Variants in NEK4 observed in about 807,000 individuals in gnomAD.
NEK4 encodes the protein serine/threonine-protein kinase Nek4.
NEK4 carries 86 observed loss-of-function variants against 98.4 expected under a neutral mutation model. That is an observed-to-expected ratio of 0.87 (90% CI 0.73 to 1.05). The LOEUF (loss-of-function observed/expected upper bound fraction) is 1.05. Among genes scored for constraint, NEK4 ranks in the 50% least tolerant of loss-of-function variants. The probability of loss-of-function intolerance (pLI) is 0.00; values close to 1 mark genes in which losing one functional copy is unlikely to be tolerated. For missense variants in NEK4, 898 were observed against 950.3 expected (o/e 0.94, Z 0.72); for synonymous variants, 328 against 342.2 (o/e 0.96, Z 0.46).
intron 15 of NEK4, among the ~76,000 whole-genome samples, chr3:52,713,930 G>A (rs2097352767): frequency 6.6e-6 from 1 of 152,074 alleles, no homozygotes; most frequent in Non-Finnish European, 1.5e-5. Flanking sequence ...AAGGAGCTCT[G>A]TAAACCTCCC....
intron 15 of NEK4, among the ~76,000 whole-genome samples, chr3:52,715,061 G>A (rs1346536587): frequency 6.6e-6 from 1 of 152,250 alleles, no homozygotes; most frequent in Non-Finnish European, 1.5e-5. Context: ...TGGGCAGAAG[G>A]GGGCGGGTCC....
intron 2 of NEK4, among the ~76,000 whole-genome samples, chr3:52,767,265 G>A (rs1303870346): frequency 2.6e-5 from 4 of 151,554 alleles, no homozygotes; most frequent in East Asian, 2.0e-4. Context: ...GAATCTGGGC[G>A]ACAGTGACAC....
In NEK4 at chr3:52,766,276, G is replaced by C. The variant is rs370377370; in HGVS notation, c.460C>G (p.Arg154Gly). 2 of 1,613,760 alleles carry C rather than the reference G, an allele frequency of 1.2e-6. No individual in the cohort carries two copies. Among genetic ancestry groups the C allele is most frequent in the Non-Finnish European group, 1.7e-6 (2 of 1,179,742 alleles). Reference sequence around the variant, plus strand: ...ATGTCACAGTGGTTCTCTAACACTCGGGCAATTCCTAGGTCCCCTACTTTG... The same window carrying C: ...ATGTCACAGTGGTTCTCTAACACTCCGGCAATTCCTAGGTCCCCTACTTTG... ...IIKVGDLGIA[R>G]VLENHCDMAS... Residue 154 changes from arginine to glycine, a missense_variant, in exon 3 of 16, where the codon CGA becomes GGA. Coordinates refer to ENST00000233027, the MANE Select transcript of NEK4 (RefSeq NM_003157.6).
intron 6 of NEK4, among the ~76,000 whole-genome samples, chr3:52,757,996 T>A (rs1398713820): frequency 2.6e-5 from 4 of 151,752 alleles, no homozygotes; most frequent in African/African-American, 9.7e-5. Context: ...GCCAACGTGG[T>A]GAAACCCTGT....
intron 15 of NEK4, among the ~76,000 whole-genome samples, chr3:52,723,167 T>C (rs543517620): frequency 1.3e-5 from 2 of 152,072 alleles, no homozygotes; most frequent in Non-Finnish European, 2.9e-5. Flanking sequence ...ACTGCACCAC[T>C]GCACTCCAGA....
intron 3 of NEK4, 78 bp from the exon 4 acceptor site, chr3:52,766,072 T>C (rs998970804): frequency 1.2e-5 from 18 of 1,456,452 alleles, no homozygotes; most frequent in East Asian, 2.3e-5. Flanking sequence ...AAAGAAAACA[T>C]TTTCCTTAAA....
At chr3:52,736,030 T>C (rs955519664) in intron 15 of NEK4, among the ~76,000 whole-genome samples, 1 of 152,132 alleles carries the variant, frequency 6.6e-6, no homozygotes, top group African/African-American at 2.4e-5. Context: ...TGGGGCAATA[T>C]GAGAAGTGGA....
rs546659057 is a variant in NEK4, at chr3:52,732,333, A to G, written c.2433+5253T>C. Among the ~76,000 whole-genome samples the G allele has an allele frequency of 3.3e-5, 5 of 152,230 alleles. No homozygotes were observed. The East Asian group carries it at 9.7e-4, about 29-fold the overall frequency. Reference sequence around the variant, plus strand: ...CTCAGCCTCCCAAGTAGTTGGGACTACAGATGCCCGCCACTGCGCCCGGCT... The same window carrying G: ...CTCAGCCTCCCAAGTAGTTGGGACTGCAGATGCCCGCCACTGCGCCCGGCT... On this transcript the variant is annotated intron_variant, in intron 15 of 15. Transcript: ENST00000233027.
chr3:52,760,731 G>T, intron 6 of NEK4, 64 bp downstream of exon 6: 1 of 1,060,546 alleles, frequency 9.4e-7, no homozygotes, highest in Non-Finnish European at 1.4e-6. Flanking sequence ...AAAATAATTT[G>T]CTTAGATGGC....
intron 8 of NEK4, among the ~76,000 whole-genome samples, chr3:52,749,396 G>T (rs2097401369): frequency 2.6e-5 from 4 of 151,676 alleles, no homozygotes; most frequent in Admixed American, 1.3e-4. Flanking sequence ...GCCTCCCAAA[G>T]TGCTGGGATT....
chr3:52,754,068 CAGG>C (rs1374979550), intron 6 of NEK4: 1 of 247,622 alleles, frequency 4.0e-6, no homozygotes, highest in Non-Finnish European at 7.9e-6. Flanking sequence ...GAGGCTGAGG[CAGG>C]AGATCACTTG....
intron 12 of NEK4, 132 bp from the exon 13 acceptor site, chr3:52,741,631 T>C: frequency 1.9e-6 from 1 of 531,118 alleles, no homozygotes; most frequent in African/African-American, 1.9e-5. Flanking sequence ...ATCTAACAAA[T>C]ACAAAAATTG....
At chr3:52,769,718 C>G (rs1407695517) in intron 1 of NEK4, among the ~76,000 whole-genome samples, 1 of 152,210 alleles carries the variant, frequency 6.6e-6, no homozygotes, top group Non-Finnish European at 1.5e-5. Context: ...CTGGAGCAGT[C>G]CTACTGTCCT....
Position 52,743,342 on chromosome 3 carries a change from C to G in NEK4, c.2004+10G>C, listed in dbSNP as rs779792313. 2 of 1,604,498 alleles carry G rather than the reference C, an allele frequency of 1.2e-6. No homozygotes were observed. Among genetic ancestry groups the G allele is most frequent in the Non-Finnish European group, 8.5e-7 (1 of 1,171,310 alleles). ...CTGTCCACCTTCTCTCTTAGGAGTA[C>G]GTAATGCACCTGAGTGACGCTGCAG... On this transcript the variant is annotated intron_variant, in intron 12 of 15. Transcript: ENST00000233027.
intron 10 of NEK4, among the ~76,000 whole-genome samples, chr3:52,745,690 G>A (rs2097394834): frequency 6.6e-6 from 1 of 152,058 alleles, no homozygotes; most frequent in Non-Finnish European, 1.5e-5. Context: ...ATATACACAA[G>A]ACTTTACAAA....
chr3:52,744,894 C>A (rs1446403900), intron 10 of NEK4, among the ~76,000 whole-genome samples: 1 of 151,834 alleles, frequency 6.6e-6, no homozygotes, highest in South Asian at 2.1e-4. Context: ...GGGACTTTCA[C>A]ATTTGCCATA....
chr3:52,760,871 G>C lies in NEK4; in HGVS notation c.887C>G (p.Ser296Cys), dbSNP rs1256493217. 1.9e-6 allele frequency: 3 copies of C among 1,609,380 alleles called. No homozygotes were observed. The highest frequency in any genetic ancestry group is 2.6e-6 in the Non-Finnish European group (3 of 1,176,044). ...SQSKPFATVVSGEAESNHEVI... is the reference protein window; with the variant it reads ...SQSKPFATVVCGEAESNHEVI... ...TTCATGATTTGATTCTGCCTCTCCA[G>C]AAACCACTGTAGCAAAAGGCTTGGA... is the stretch of plus-strand genomic sequence containing the variant. The change falls in exon 6 of 16, where the codon TCT (serine) becomes TGT (cysteine). Residue 296 changes from serine (S) to cysteine (C), a missense_variant. Ser to Cys is a moderately radical substitution (Grantham distance 112). Transcript: ENST00000233027.
At chr3:52,766,052 C>A in intron 3 of NEK4, 58 bp from the exon 4 acceptor site, 1 of 1,451,070 alleles carries the variant, frequency 6.9e-7, no homozygotes, top group Non-Finnish European at 9.5e-7. Flanking sequence ...ACATTTTTTT[C>A]CCTTTAAAAA....
chr3:52,750,312 C>A (rs948384894), intron 7 of NEK4, among the ~76,000 whole-genome samples: 5 of 152,116 alleles, frequency 3.3e-5, no homozygotes, highest in African/African-American at 1.2e-4. Context: ...CTTTGGGAGG[C>A]CAAGGCAGGC....
Sources: gnomAD v4.1 joint callset for allele counts (sites outside exome capture counted in the v4.1 genomes callset) on GRCh38, gnomAD v4.1.1 for gene constraint, MANE v1.5 for transcripts, NCBI Gene and HGNC (gene_info 2026-07-23, HGNC 2026-07-21) for gene names.